ZFHX3: variants seen among roughly 807,000 people sequenced by gnomAD.
The protein encoded by ZFHX3 is zinc finger homeobox protein 3.
ZFHX3 carries 42 observed loss-of-function variants against 279.1 expected under a neutral mutation model. The ratio of observed to expected loss-of-function variants is 0.15; its 90% CI spans 0.12 to 0.19. The LOEUF (loss-of-function observed/expected upper bound fraction) is 0.19. ZFHX3 is among the 10% of genes least tolerant of loss of function. The pLI is 1.00. For missense variants in ZFHX3, 4,981 were observed against 4,754.0 expected (o/e 1.05, Z -1.40); for synonymous variants, 2,293 against 1,957.8 (o/e 1.17, Z -4.52).
At chr16:72,812,811 G>C (rs913388903) in intron 5 of ZFHX3, among the ~76,000 whole-genome samples, 3 of 152,210 alleles carry the variant, frequency 2.0e-5, no homozygotes, top group Admixed American at 6.5e-5. Flanking sequence ...TTAAAGAGGA[G>C]TGGCCCATGA....
chr16:73,837,808 G>A (rs1043837811), intron 1 of ZFHX3, among the ~76,000 whole-genome samples: 5 of 152,064 alleles, frequency 3.3e-5, no homozygotes, highest in Admixed American at 6.6e-5. Context: ...GGCTAATTTG[G>A]TATTTTTAGT....
At chr16:72,913,005 G>C (rs2144195546) in intron 3 of ZFHX3, among the ~76,000 whole-genome samples, 1 of 152,294 alleles carries the variant, frequency 6.6e-6, no homozygotes, top group Non-Finnish European at 1.5e-5. Flanking sequence ...TTACAGGCGT[G>C]AGCCACCACG....
At chr16:73,330,170 G>A (rs564106886) in intron 3 of ZFHX3, among the ~76,000 whole-genome samples, 1 of 152,298 alleles carries the variant, frequency 6.6e-6, no homozygotes, top group East Asian at 1.9e-4. Flanking sequence ...TGGGGGAAGA[G>A]AGGAGAGAGT....
chr16:73,866,153 C>A (rs1567434339), intron 1 of ZFHX3, among the ~76,000 whole-genome samples: 1 of 149,338 alleles, frequency 6.7e-6, no homozygotes, highest in Non-Finnish European at 1.5e-5. Flanking sequence ...CAGGTGCACA[C>A]CACTATGCCA....
At chr16:73,512,768 A>G (rs2019455750) in intron 2 of ZFHX3, among the ~76,000 whole-genome samples, 1 of 152,186 alleles carries the variant, frequency 6.6e-6, no homozygotes, top group African/African-American at 2.4e-5. Flanking sequence ...TGCATTCAGG[A>G]AAGTGTCAGA....
At chr16:73,539,702 G>A (rs554019887) in intron 2 of ZFHX3, among the ~76,000 whole-genome samples, 5 of 152,116 alleles carry the variant, frequency 3.3e-5, no homozygotes, top group African/African-American at 1.2e-4. Flanking sequence ...AAAGAGAGAC[G>A]GCTCTTCCAC....
chr16:73,695,365 T>C (rs1472512581), intron 1 of ZFHX3, among the ~76,000 whole-genome samples: 1 of 151,802 alleles, frequency 6.6e-6, no homozygotes, highest in Non-Finnish European at 1.5e-5. Context: ...GCCTCCCAAG[T>C]AGCTGAGATT....
At position 72,957,580 on chromosome 16, in the gene ZFHX3, G is replaced by T; in HGVS notation, c.2566C>A (p.Pro856Thr). The change falls in exon 2 of 10, where the codon CCC becomes ACC. Residue 856 changes from proline (P) to threonine (T), a missense_variant. Physicochemically the swap from Pro to Thr is conservative, Grantham distance 38. Around this residue, in one of 7 missense-constraint regions of ZFHX3, gnomAD observed 1,751 missense variants for 1,770.0 expected, o/e 0.99. Coordinates refer to ENST00000268489, the MANE Select transcript of ZFHX3 (RefSeq NM_006885.4). ...TATTGGTAGAGCTCGGCCTCGGCGG[G>T]TGAGGGCAGGCTGCCGAGGCCCAGG... is the stretch of plus-strand genomic sequence containing the variant. ...RHLGLGSLPS[P>T]AEAELYQYYL... 6.2e-7 allele frequency: 1 copy of T among 1,614,108 alleles called. No homozygotes were observed. The highest frequency in any genetic ancestry group is 8.5e-7 in the Non-Finnish European group (1 of 1,180,018).
rs900787706 is a variant in ZFHX3, at chr16:73,661,275, C to G, written c.-1547+18905G>C. 3.3e-5 allele frequency among the ~76,000 whole-genome samples: 5 copies of G among 152,110 alleles called. No individual in the cohort carries two copies. The South Asian group carries it at 1.0e-3, about 32-fold the overall frequency. ...AGGTTATGATGTAAACACATTTTGC[C>G]TCAATTGTAAAAAACAAACAAAAAA... On this transcript the variant is annotated intron_variant, in intron 2 of 17. Coordinates refer to the ZFHX3 transcript ENST00000641206.
intron 5 of ZFHX3, among the ~76,000 whole-genome samples, chr16:73,188,531 C>A (rs905270793): frequency 6.6e-6 from 1 of 152,216 alleles, no homozygotes; most frequent in Admixed American, 6.5e-5. Flanking sequence ...TGCTTCCTCT[C>A]TAGTGGGGAA....
At chr16:73,588,708 A>AC (rs1273126198) in intron 2 of ZFHX3, among the ~76,000 whole-genome samples, 6,198 of 131,274 alleles carry the variant, frequency 0.047, 187 homozygotes, top group South Asian at 0.1. Flanking sequence ...AAAACAAAAC[A>AC]AAAAAAAAAA....
intron 4 of ZFHX3, among the ~76,000 whole-genome samples, chr16:73,309,788 G>A (rs1567446658): frequency 6.6e-6 from 1 of 152,016 alleles, no homozygotes; most frequent in South Asian, 2.1e-4. Context: ...ATAATTCTGA[G>A]TATAGCCTCA....
intron 3 of ZFHX3, among the ~76,000 whole-genome samples, chr16:73,337,861 C>T (rs2015943680): frequency 7.3e-6 from 1 of 137,226 alleles, no homozygotes; most frequent in Non-Finnish European, 1.5e-5. Flanking sequence ...TTCTAGTTTT[C>T]CAATTTCAAT....
intron 2 of ZFHX3, among the ~76,000 whole-genome samples, chr16:73,612,614 C>T (rs1318672552): frequency 6.6e-6 from 1 of 152,088 alleles, no homozygotes; most frequent in Non-Finnish European, 1.5e-5. Context: ...TGCAATAAAG[C>T]TGTTTAAAAA....
intron 3 of ZFHX3, among the ~76,000 whole-genome samples, chr16:72,944,261 A>T (rs116363704): frequency 0.021 from 3,138 of 152,242 alleles, 120 homozygotes; most frequent in African/African-American, 0.071. Context: ...CTCCCATGTG[A>T]GCGACAGAGT....
At chr16:73,579,098 G>A (rs889468283) in intron 2 of ZFHX3, among the ~76,000 whole-genome samples, 8 of 152,160 alleles carry the variant, frequency 5.3e-5, no homozygotes, top group East Asian at 3.9e-4. Context: ...CTTCATCTGC[G>A]TGATAAAACC....
intron 2 of ZFHX3, among the ~76,000 whole-genome samples, chr16:73,605,308 T>G (rs987954957): frequency 6.6e-6 from 1 of 152,176 alleles, no homozygotes. Context: ...AGTAAGAAAT[T>G]AAACACGATA....
chr16:72,787,244 G>A lies in ZFHX3; in HGVS notation c.11032C>T (p.Pro3678Ser). ...LSQKSDGPAS[P>S]VEGPKDPSCP... ...CTGGGGTCTTTGGGACCCTCCACCG[G>A]GCTCGCCGGTCCGTCGGACTTTTGG... The change falls in exon 10 of 10, where the codon CCG becomes TCG. Residue 3678 changes from proline (P) to serine (S), a missense_variant. Coordinates refer to ENST00000268489, the MANE Select transcript of ZFHX3 (RefSeq NM_006885.4). 6.2e-7 allele frequency: 1 copy of A among 1,614,048 alleles called. No individual in the cohort carries two copies. Among genetic ancestry groups the A allele is most frequent in the Middle Eastern group, 1.6e-4 (1 of 6,062 alleles).
At chr16:73,540,523 T>C (rs1402257997) in intron 2 of ZFHX3, among the ~76,000 whole-genome samples, 1 of 152,160 alleles carries the variant, frequency 6.6e-6, no homozygotes, top group Non-Finnish European at 1.5e-5. Context: ...AAAAGATCAA[T>C]CATTTGAGTA....
Sources: gnomAD v4.1 joint callset for allele counts (sites outside exome capture counted in the v4.1 genomes callset) on GRCh38, gnomAD v4.1.1 for gene constraint, gnomAD v4.1.1 regional missense constraint, MANE v1.5 for transcripts, NCBI Gene and HGNC (gene_info 2026-07-23, HGNC 2026-07-21) for gene names.